The following FAM81A variants were observed in gnomAD, a reference collection of about 807,000 sequenced individuals.
The protein encoded by FAM81A is family with sequence similarity 81 member A.
In FAM81A, 19 loss-of-function variants were observed where a neutral mutation model predicts 46.7. That is an observed-to-expected ratio of 0.41 (90% CI 0.28 to 0.60). The LOEUF (loss-of-function observed/expected upper bound fraction) is 0.60, where lower values mean the gene tolerates loss of function less well. FAM81A is among the 20% of genes least tolerant of loss of function. The pLI is 0.34. For synonymous variants in FAM81A, 183 were observed against 152.9 expected (o/e 1.20, Z -1.45); for missense variants, 377 against 453.5 (o/e 0.83, Z 1.53).
chr15:59,440,349 C>T (rs947064447), intron 1 of FAM81A, among the ~76,000 whole-genome samples: 8 of 151,972 alleles, frequency 5.3e-5, no homozygotes, highest in Non-Finnish European at 1.0e-4. Context: ...CAGCAGGAGA[C>T]GATGAAGAGA....
At chr15:59,430,254 CTTTTTTTTTTTTTTTTTT>C (rs5812977) in intron 2 of FAM81A, among the ~76,000 whole-genome samples, 2 of 87,458 alleles carry the variant, frequency 2.3e-5, no homozygotes, top group African/African-American at 4.7e-5. Context: ...ACCTATTTCC[CTTTTTTTTTTTTTTTTTT>C]TTTTTTTTTT....
chr15:59,411,882 C>T (rs1226107852), intron 2 of FAM81A, among the ~76,000 whole-genome samples: 1 of 145,372 alleles, frequency 6.9e-6, no homozygotes, highest in Non-Finnish European at 1.5e-5. Context: ...CCACTGCAAT[C>T]CGTCTCAACA....
At chr15:59,490,928 G>T (rs2081973775) in intron 3 of FAM81A, among the ~76,000 whole-genome samples, 2 of 152,182 alleles carry the variant, frequency 1.3e-5, no homozygotes, top group African/African-American at 4.8e-5. Context: ...TGCTGGCAAG[G>T]ATATGGAGAA....
intron 1 of FAM81A, among the ~76,000 whole-genome samples, chr15:59,441,806 G>A (rs528649557): frequency 2.6e-5 from 4 of 152,138 alleles, no homozygotes; most frequent in Non-Finnish European, 5.9e-5. Context: ...ATGTAGACAC[G>A]GGGATGCTGT....
At chr15:59,494,191 T>C (rs2082010675) in intron 4 of FAM81A, among the ~76,000 whole-genome samples, 1 of 152,236 alleles carries the variant, frequency 6.6e-6, no homozygotes, top group Non-Finnish European at 1.5e-5. Flanking sequence ...TGGAAAACCT[T>C]GACTCCTTGT....
chr15:59,462,735 G>A (rs775982230), intron 3 of FAM81A, among the ~76,000 whole-genome samples: 4 of 152,056 alleles, frequency 2.6e-5, no homozygotes, highest in African/African-American at 7.2e-5. Flanking sequence ...GCTTATTCTA[G>A]CTACTTCATA....
At chr15:59,430,550 G>A (rs1478431911) in intron 2 of FAM81A, among the ~76,000 whole-genome samples, 3 of 152,126 alleles carry the variant, frequency 2.0e-5, no homozygotes, top group Non-Finnish European at 4.4e-5. Flanking sequence ...ACAGGTGTGA[G>A]CCCTATTCCC....
intron 2 of FAM81A, among the ~76,000 whole-genome samples, chr15:59,421,794 C>CTATCTATCTAT (rs1567039182): frequency 1.5e-5 from 2 of 137,100 alleles, no homozygotes; most frequent in African/African-American, 6.1e-5. Flanking sequence ...TATCTATCTA[C>CTATCTATCTAT]CTACCTAACT....
chr15:59,446,670 C>T (rs539283529), intron 1 of FAM81A: 1 of 152,284 alleles, frequency 6.6e-6, no homozygotes, highest in African/African-American at 2.4e-5. Context: ...TGCTCTGGGA[C>T]CCCATGGAGG....
In FAM81A at chr15:59,514,394, T is replaced by A. The variant is rs2082245763; in HGVS notation, c.756T>A (p.Asp252Glu). ...RIEKELLQKIDQLSLIVKENS... is the reference protein window; with the variant it reads ...RIEKELLQKIEQLSLIVKENS... ...AAAAAGAGCTTTTACAGAAAATTGA[T>A]CAGCTTTCCTTGATTGTTAAGGAAA... is the stretch of plus-strand genomic sequence containing the variant. The change falls in exon 7 of 9, where the codon GAT (aspartate) becomes GAA (glutamate). Residue 252 changes from aspartate (D) to glutamate (E), a missense_variant. Coordinates refer to ENST00000288228, the MANE Select transcript of FAM81A (RefSeq NM_152450.3). The A allele has an allele frequency of 6.2e-7, 1 of 1,613,312 alleles. No homozygotes were observed. The highest frequency in any genetic ancestry group is 8.5e-7 in the Non-Finnish European group (1 of 1,179,740).
At chr15:59,498,024 T>C (rs1242711134) in intron 4 of FAM81A, among the ~76,000 whole-genome samples, 1 of 152,172 alleles carries the variant, frequency 6.6e-6, no homozygotes, top group African/African-American at 2.4e-5. Flanking sequence ...ATCTGACTAA[T>C]TTTTTTCATT....
At chr15:59,431,422 T>C (rs1458223930) in intron 2 of FAM81A, among the ~76,000 whole-genome samples, 1 of 151,808 alleles carries the variant, frequency 6.6e-6, no homozygotes, top group African/African-American at 2.4e-5. Context: ...TTTAGTAGAG[T>C]TGGGGTTTCA....
At chr15:59,508,994 AT>A in intron 6 of FAM81A, 25 bp downstream of exon 6, 2 of 1,573,074 alleles carry the variant, frequency 1.3e-6, no homozygotes, top group African/African-American at 1.4e-5. Context: ...TATTAAAAAA[AT>A]AAAACTTAAA....
chr15:59,439,999 CT>C (rs1459172378), intron 1 of FAM81A: 1 of 152,282 alleles, frequency 6.6e-6, no homozygotes, highest in Non-Finnish European at 1.5e-5. Flanking sequence ...GAGTGAACAA[CT>C]TGCCGCAGAA....
In FAM81A at chr15:59,497,852, C is replaced by T. The variant is rs561185072; in HGVS notation, c.413+5463C>T. Among the ~76,000 whole-genome samples, 4 of 152,246 alleles carry T rather than the reference C, an allele frequency of 2.6e-5. No homozygotes were observed. In the East Asian group the frequency reaches 7.7e-4, roughly 29 times the overall value. ...TTTCAAAAAAAATAAACAAATAAGC[C>T]TTTATTTAAAAAAAATTTTTTTAGA... On this transcript the variant is annotated intron_variant, in intron 4 of 8. Transcript: ENST00000288228.
chr15:59,448,665 G>A (rs1200641510), intron 1 of FAM81A, among the ~76,000 whole-genome samples: 1 of 150,852 alleles, frequency 6.6e-6, no homozygotes, highest in South Asian at 2.1e-4. Context: ...GTTATTTTTT[G>A]TTTTTTAGTT....
chr15:59,414,415 A>C (rs2081136759), intron 2 of FAM81A, among the ~76,000 whole-genome samples: 3 of 152,228 alleles, frequency 2.0e-5, no homozygotes, highest in Admixed American at 6.5e-5. Context: ...GGGGCATCAC[A>C]GGAAAGAAAA....
At chr15:59,404,018 G>A (rs2081083578) in intron 2 of FAM81A, among the ~76,000 whole-genome samples, 1 of 151,910 alleles carries the variant, frequency 6.6e-6, no homozygotes, top group Non-Finnish European at 1.5e-5. Flanking sequence ...GAGTAGCTGG[G>A]ACTACAGGCG....
At chr15:59,446,214 G>T (rs531219410) in intron 1 of FAM81A, among the ~76,000 whole-genome samples, 1 of 152,200 alleles carries the variant, frequency 6.6e-6, no homozygotes, top group South Asian at 2.1e-4. Context: ...AATCCAGAAA[G>T]GTTCAAATAA....
Sources: allele counts gnomAD v4.1 joint callset (sites outside exome capture counted in the v4.1 genomes callset), GRCh38; gene constraint gnomAD v4.1.1; transcripts MANE v1.5; gene names NCBI Gene and HGNC (gene_info 2026-07-23, HGNC 2026-07-21).